TRIM71: variants seen among roughly 807,000 people sequenced by gnomAD.
The protein encoded by TRIM71 is E3 ubiquitin-protein ligase TRIM71.
TRIM71 carries 9 observed loss-of-function variants against 61.2 expected under a neutral mutation model. The ratio of observed to expected loss-of-function variants is 0.15; its 90% confidence interval spans 0.09 to 0.26. The LOEUF (loss-of-function observed/expected upper bound fraction) is 0.26. Ranked by LOEUF, TRIM71 falls within the 10% of genes least tolerant of loss-of-function variation. The pLI, the probability that TRIM71 is intolerant of heterozygous loss-of-function variation, is 1.00. For missense variants in TRIM71, 998 were observed against 1,238.7 expected (o/e 0.81, Z 2.92); for synonymous variants, 645 against 553.2 (o/e 1.17, Z -2.33).
chr3:32,829,788 A>G (rs1696248130), intron 1 of TRIM71, among the ~76,000 whole-genome samples: 2 of 152,132 alleles, frequency 1.3e-5, no homozygotes, highest in South Asian at 4.2e-4. Flanking sequence ...TGACTTCATC[A>G]GAAACTGTCC....
rs1217733968 is a variant in TRIM71 at position 32,872,748 on chromosome 3, T to C, written c.853-1070T>C. ...CATGCTGGCTTCCCTGCTGTGTCTT[T>C]GCTAACACTGTGGCCTTGAGCACTC... On this transcript the variant is annotated intron_variant, in intron 1 of 3. Coordinates refer to ENST00000383763, the MANE Select transcript of TRIM71 (RefSeq NM_001039111.3). 3.3e-5 allele frequency among the ~76,000 whole-genome samples: 5 copies of C among 152,210 alleles called. No homozygotes were observed. In the East Asian group the frequency reaches 9.6e-4, roughly 29 times the overall value.
chr3:32,834,723 TC>T (rs1490765074), intron 1 of TRIM71, among the ~76,000 whole-genome samples: 1 of 152,054 alleles, frequency 6.6e-6, no homozygotes, highest in East Asian at 1.9e-4. Context: ...GCGCCTGTAG[TC>T]CCAGCTACCC....
intron 2 of TRIM71, 73 bp downstream of exon 2, chr3:32,874,058 C>T (rs1400312922): frequency 6.8e-7 from 1 of 1,473,680 alleles, no homozygotes; most frequent in East Asian, 2.3e-5. Context: ...CATGGACAGA[C>T]AATTGGGCAG....
At position 32,818,672 on chromosome 3, in the gene TRIM71, G is replaced by A. The variant is rs780336942; in HGVS notation, c.592G>A (p.Gly198Ser). 1 of 1,542,204 alleles carries A rather than the reference G, an allele frequency of 6.5e-7. No individual in the cohort carries two copies. Residue 198 changes from glycine (G) to serine (S), a missense_variant, in exon 1 of 4, where the codon GGC (glycine) becomes AGC (serine). Coordinates refer to ENST00000383763, the MANE Select transcript of TRIM71 (RefSeq NM_001039111.3). ...PSALLLRRPHGCSSCDEGNAA... is the reference protein window; with the variant it reads ...PSALLLRRPHSCSSCDEGNAA... ...GGCGCTGCTGCTCCGCCGTCCTCAC[G>A]GCTGCAGCTCGTGCGATGAGGGCAA... is the stretch of plus-strand genomic sequence containing the variant.
chr3:32,873,980 A>G lies in TRIM71; in HGVS notation c.1015A>G (p.Ile339Val), dbSNP rs971094853. The G allele has an allele frequency of 6.2e-7, 1 of 1,608,076 alleles. No individual in the cohort carries two copies. Among genetic ancestry groups the G allele is most frequent in the Non-Finnish European group, 8.5e-7 (1 of 1,177,542 alleles). ...AGATGCCCAGCAGGGACGACAGGCAATCCAGGTGAGCCTTCCCTGCCCTTC... is the reference window on the plus strand; with the variant it reads ...AGATGCCCAGCAGGGACGACAGGCAGTCCAGGTGAGCCTTCCCTGCCCTTC... ...LADAQQGRQA[I>V]QLSIEQAQTV... The change falls in exon 2 of 4, where the codon ATC becomes GTC. Residue 339 changes from isoleucine (I) to valine (V), a missense_variant. Transcript: ENST00000383763.
intron 1 of TRIM71, among the ~76,000 whole-genome samples, chr3:32,858,371 T>C (rs1696629764): frequency 6.6e-6 from 1 of 152,166 alleles, no homozygotes; most frequent in Admixed American, 6.5e-5. Flanking sequence ...CTCAAGTTGT[T>C]TTTTCTTTCA....
chr3:32,834,732 C>T (rs553521368), intron 1 of TRIM71, among the ~76,000 whole-genome samples: 19 of 152,210 alleles, frequency 1.2e-4, no homozygotes, highest in Middle Eastern at 6.8e-3. Context: ...GTCCCAGCTA[C>T]CCCGGATACC....
intron 1 of TRIM71, among the ~76,000 whole-genome samples, chr3:32,845,530 G>C (rs1696460655): frequency 6.6e-6 from 1 of 152,094 alleles, no homozygotes; most frequent in South Asian, 2.1e-4. Context: ...GGGTTACTCT[G>C]GGGGTTACTC....
At chr3:32,864,545 T>A (rs1344258555) in intron 1 of TRIM71, among the ~76,000 whole-genome samples, 1 of 152,142 alleles carries the variant, frequency 6.6e-6, no homozygotes, top group Non-Finnish European at 1.5e-5. Flanking sequence ...GCCCGCTGGG[T>A]TCGCCAGAGG....
At chr3:32,867,374 T>C (rs1696749578) in intron 1 of TRIM71, among the ~76,000 whole-genome samples, 1 of 152,206 alleles carries the variant, frequency 6.6e-6, no homozygotes, top group Non-Finnish European at 1.5e-5. Context: ...GTAAAAATGA[T>C]TGATCATTTT....
At chr3:32,865,329 AAAAAAAC>A (rs1696720371) in intron 1 of TRIM71, among the ~76,000 whole-genome samples, 1 of 151,998 alleles carries the variant, frequency 6.6e-6, no homozygotes, top group African/African-American at 2.4e-5. Flanking sequence ...ATTCCATCTC[AAAAAAAC>A]AAAAAACAAG....
At chr3:32,864,353 T>C (rs924968358) in intron 1 of TRIM71, among the ~76,000 whole-genome samples, 6 of 152,198 alleles carry the variant, frequency 3.9e-5, no homozygotes, top group Non-Finnish European at 8.8e-5. Flanking sequence ...TGTGGCACTC[T>C]TAGGAAGATG....
chr3:32,818,324 G>A lies in TRIM71; in HGVS notation c.244G>A (p.Ala82Thr). Residue 82 changes from alanine (A) to threonine (T), a missense_variant, in exon 1 of 4, where the codon GCG becomes ACG. Ala to Thr is a moderately conservative substitution (Grantham distance 58). Around this residue, in one of 5 missense-constraint regions of TRIM71, gnomAD observed 527 missense variants for 427.8 expected, o/e 1.23. Coordinates refer to ENST00000383763, the MANE Select transcript of TRIM71 (RefSeq NM_001039111.3). ...CCGGCTGCCGGCGGCGGGCGGCGGC[G>A]CGGCGGGAGAGCCGCTCAAGCTGCG... is the stretch of plus-strand genomic sequence containing the variant. ...AHRLPAAGGG[A>T]AGEPLKLRCP... is the part of the protein sequence containing the mutation. The A allele has an allele frequency of 1.4e-6, 2 of 1,438,230 alleles. No homozygotes were observed. Among genetic ancestry groups the A allele is most frequent in the South Asian group, 1.3e-5 (1 of 74,236 alleles). The allele number at this position is 1,438,230 out of a possible 1,614,324, so 89.1% of individuals were successfully genotyped here. A position where few individuals can be genotyped will look rare whatever the true frequency, so the allele number is the denominator to read the frequency against.
intron 1 of TRIM71, among the ~76,000 whole-genome samples, chr3:32,860,272 C>T (rs1696652669): frequency 6.6e-6 from 1 of 151,906 alleles, no homozygotes. Context: ...AATTCTCCTG[C>T]CTCAGCCTCC....
At chr3:32,825,572 C>G (rs900069400) in intron 1 of TRIM71, among the ~76,000 whole-genome samples, 2 of 152,154 alleles carry the variant, frequency 1.3e-5, no homozygotes, top group African/African-American at 4.8e-5. Context: ...GAATTCTATA[C>G]TATGCAGGCA....
intron 1 of TRIM71, among the ~76,000 whole-genome samples, chr3:32,822,605 A>G (rs1696147550): frequency 6.6e-6 from 1 of 152,164 alleles, no homozygotes; most frequent in African/African-American, 2.4e-5. Context: ...TCTGTTCCCA[A>G]AGTCTAAGTT....
rs1022031446 is a variant in TRIM71, at chr3:32,890,495, C to T, written c.1291C>T (p.Leu431=). ...GGAGGAGGGTAGAGCGCTAGACATCCTACTGGCCCGAGACCGGATGCTGGC... is the reference window on the plus strand; with the variant it reads ...GGAGGAGGGTAGAGCGCTAGACATCTTACTGGCCCGAGACCGGATGCTGGC... ...VLEEGRALDI[L]LARDRMLAQV... The change falls in exon 4 of 4, where the codon CTA becomes TTA. Residue 431 remains leucine (L), a synonymous_variant. Transcript: ENST00000383763. This position sits in a 1 kb window ranked among gnomAD's most constrained non-coding sequence, Gnocchi z 6.2. 6.2e-7 allele frequency: 1 copy of T among 1,614,088 alleles called. No individual in the cohort carries two copies. The highest frequency in any genetic ancestry group is 8.5e-7 in the Non-Finnish European group (1 of 1,180,046).
At chr3:32,888,459 AAAAAAAAAAAAAAAG>A (rs1391646475) in intron 3 of TRIM71, among the ~76,000 whole-genome samples, 6 of 61,402 alleles carry the variant, frequency 9.8e-5, no homozygotes, top group South Asian at 5.4e-4. Flanking sequence ...AAAAAAAAAA[AAAAAAAAAAAAAAAG>A]GTGCCCTGTG....
intron 1 of TRIM71, among the ~76,000 whole-genome samples, chr3:32,852,977 C>G (rs866574687): frequency 1.9e-4 from 29 of 152,158 alleles, no homozygotes; most frequent in African/African-American, 6.7e-4. Flanking sequence ...GACAGGGACC[C>G]CCTTACTATA....
Sources: allele counts gnomAD v4.1 joint callset (sites outside exome capture counted in the v4.1 genomes callset), GRCh38; gene constraint gnomAD v4.1.1; regional missense constraint gnomAD v4.1.1; non-coding constraint Gnocchi (gnomAD v3.1); transcripts MANE v1.5; gene names NCBI Gene and HGNC (gene_info 2026-07-23, HGNC 2026-07-21).